SUSD1: variants seen among roughly 807,000 people sequenced by gnomAD.
The protein encoded by SUSD1 is sushi domain-containing protein 1.
In SUSD1, 65 loss-of-function variants were observed where a neutral mutation model predicts 86.9. The observed-to-expected ratio is 0.75, with a 90% CI of 0.61 to 0.92. The LOEUF (loss-of-function observed/expected upper bound fraction) is 0.92. SUSD1 is among the 40% of genes least tolerant of loss of function. The pLI, the probability that SUSD1 is intolerant of heterozygous loss-of-function variation, is 0.00. For missense variants in SUSD1, 850 were observed against 929.7 expected, an observed-to-expected ratio of 0.91 and a Z score of 1.11; for synonymous variants, 346 against 350.0, an observed-to-expected ratio of 0.99 and a Z score of 0.13.
In SUSD1 at chr9:112,104,157, G is replaced by A. The variant is rs182748138; in HGVS notation, c.1172-1872C>T. Among the ~76,000 whole-genome samples, 41 of 151,590 alleles carry A rather than the reference G, an allele frequency of 2.7e-4. No individual in the cohort carries two copies. The East Asian group carries it at 6.4e-3, about 24-fold the overall frequency. On this transcript the variant is annotated intron_variant, in intron 8 of 16. Coordinates refer to ENST00000374270, the MANE Select transcript of SUSD1 (RefSeq NM_022486.5). ...CAGCCTCCTGAGTAGCTAGGACTAC[G>A]GGCATGCACCACCAAGCCCAGCTAA... is the stretch of plus-strand genomic sequence containing the variant.
At chr9:112,089,046 A>G (rs1455940380) in intron 10 of SUSD1, among the ~76,000 whole-genome samples, 1 of 152,158 alleles carries the variant, frequency 6.6e-6, no homozygotes, top group Non-Finnish European at 1.5e-5. Flanking sequence ...AGTTGTGGCT[A>G]CAGTGAGCTA....
At chr9:112,153,273 A>C (rs571564079) in intron 2 of SUSD1, among the ~76,000 whole-genome samples, 11 of 152,126 alleles carry the variant, frequency 7.2e-5, no homozygotes, top group African/African-American at 2.7e-4. Flanking sequence ...GCTAAAAAAA[A>C]AAAAAAATTC....
At chr9:112,149,493 A>G in intron 2 of SUSD1, 94 bp from the exon 3 acceptor site, 1 of 1,420,034 alleles carries the variant, frequency 7.0e-7, no homozygotes, top group Non-Finnish European at 9.7e-7. Context: ...CTCGGGAACC[A>G]ACGTTCTGTG....
chr9:112,168,649 A>AGGTAG (rs1406775515), intron 1 of SUSD1, among the ~76,000 whole-genome samples: 2 of 152,214 alleles, frequency 1.3e-5, no homozygotes, highest in Non-Finnish European at 2.9e-5. Flanking sequence ...CAAGAGAAGA[A>AGGTAG]GGTAGTTTAA....
intron 12 of SUSD1, among the ~76,000 whole-genome samples, chr9:112,063,354 T>C (rs1232652065): frequency 6.6e-6 from 1 of 152,106 alleles, no homozygotes; most frequent in Non-Finnish European, 1.5e-5. Flanking sequence ...CTTGGGGTGA[T>C]GAAAAAATTT....
chr9:112,087,469 C>T lies in SUSD1; in HGVS notation c.1475-7304G>A, dbSNP rs1830034443. Among the ~76,000 whole-genome samples, 2 of 152,056 alleles carry T rather than the reference C, an allele frequency of 1.3e-5. 1 individual carries two copies. The highest frequency in any genetic ancestry group is 2.9e-5 in the Non-Finnish European group (2 of 68,020). ...GTGCTGGGATTACAGGTATGAGCCACTGAGCCAGGCCTAGGAAATTTAAAA... is the reference window on the plus strand; with the variant it reads ...GTGCTGGGATTACAGGTATGAGCCATTGAGCCAGGCCTAGGAAATTTAAAA... On this transcript the variant is annotated intron_variant, in intron 10 of 16. Transcript: ENST00000374270.
Position 112,085,765 on chromosome 9 carries a change from T to C in SUSD1, c.1475-5600A>G, listed in dbSNP as rs555006138. Among the ~76,000 whole-genome samples the C allele has an allele frequency of 7.2e-5, 11 of 152,290 alleles. No homozygotes were observed. The South Asian group carries it at 2.3e-3, about 32-fold the overall frequency. On this transcript the variant is annotated intron_variant, in intron 10 of 16. Transcript: ENST00000374270. ...AAGTTAGCACGTAATATATTACCGA[T>C]CAGAGTTCCAATCATCAAAGATAAT...
At chr9:112,156,333 A>G (rs1353481988) in intron 2 of SUSD1, among the ~76,000 whole-genome samples, 1 of 151,848 alleles carries the variant, frequency 6.6e-6, no homozygotes, top group East Asian at 1.9e-4. Context: ...ATGGTGGCAC[A>G]TACCTGTAAT....
intron 8 of SUSD1, among the ~76,000 whole-genome samples, chr9:112,107,254 C>CAAAAAAAAAAAAAAAAAAA (rs71382407): frequency 1.8e-4 from 12 of 66,144 alleles, no homozygotes; most frequent in Admixed American, 3.4e-4. Context: ...GACCATATCT[C>CAAAAAAAAAAAAAAAAAAA]AAAAAAAAAA....
intron 12 of SUSD1, among the ~76,000 whole-genome samples, chr9:112,066,061 C>T (rs894228024): frequency 7.9e-5 from 12 of 152,212 alleles, no homozygotes; most frequent in African/African-American, 2.9e-4. Flanking sequence ...CCGAGTCACA[C>T]CACTAGAAGA....
intron 5 of SUSD1, among the ~76,000 whole-genome samples, chr9:112,127,535 A>G (rs916065713): frequency 7.9e-5 from 12 of 152,078 alleles, no homozygotes; most frequent in African/African-American, 2.7e-4. Flanking sequence ...GATCTGCTCC[A>G]TTACTAACAA....
At chr9:112,124,495 A>G (rs1831687056) in intron 5 of SUSD1, 59 bp from the exon 6 acceptor site, 6 of 1,489,134 alleles carry the variant, frequency 4.0e-6, no homozygotes, top group Middle Eastern at 1.8e-4. Flanking sequence ...CCTACAATTC[A>G]TATCTTTAAA....
At position 112,084,337 on chromosome 9, in the gene SUSD1, C is replaced by A. The variant is rs375167843; in HGVS notation, c.1475-4172G>T. On this transcript the variant is annotated intron_variant, in intron 10 of 16. Transcript: ENST00000374270. Reference sequence around the variant, plus strand: ...CCTCAAAGAGAATGAGATGACAATACATGAATTGGTATGGAAGTATGTCTA... The same window carrying A: ...CCTCAAAGAGAATGAGATGACAATAAATGAATTGGTATGGAAGTATGTCTA... Among the ~76,000 whole-genome samples the A allele has an allele frequency of 9.2e-5, 14 of 152,154 alleles. No individual in the cohort carries two copies. The East Asian group carries it at 2.5e-3, about 27-fold the overall frequency.
intron 5 of SUSD1, among the ~76,000 whole-genome samples, chr9:112,139,400 A>G (rs973593822): frequency 1.3e-5 from 2 of 152,182 alleles, no homozygotes; most frequent in African/African-American, 4.8e-5. Context: ...AGCAATTAGT[A>G]CTGATCATTA....
rs185180885 is a variant in SUSD1, at chr9:112,148,700, G to C, written c.373+544C>G. Among the ~76,000 whole-genome samples the C allele has an allele frequency of 9.2e-4, 140 of 152,236 alleles. No individual in the cohort carries two copies. The Middle Eastern group carries it at 0.014, about 15-fold the overall frequency. ...GCGGGCAGATCACTTGAGGCCAGGA[G>C]TTTGAGACCAGCCTGGCCAATGGGG... is the stretch of plus-strand genomic sequence containing the variant. On this transcript the variant is annotated intron_variant, in intron 3 of 16. Transcript: ENST00000374270.
At chr9:112,130,795 G>C (rs1277148669) in intron 5 of SUSD1, among the ~76,000 whole-genome samples, 1 of 151,362 alleles carries the variant, frequency 6.6e-6, no homozygotes, top group Non-Finnish European at 1.5e-5. Flanking sequence ...AAGCTGAGGA[G>C]GGCAGATCAC....
intron 5 of SUSD1, among the ~76,000 whole-genome samples, chr9:112,140,508 T>C (rs1448250440): frequency 6.9e-6 from 1 of 145,538 alleles, no homozygotes; most frequent in Non-Finnish European, 1.5e-5. Flanking sequence ...AGCAAGACTC[T>C]GTCTCAAAAA....
At chr9:112,135,714 TTA>T (rs1157785840) in intron 5 of SUSD1, among the ~76,000 whole-genome samples, 1 of 152,224 alleles carries the variant, frequency 6.6e-6, no homozygotes, top group Non-Finnish European at 1.5e-5. Flanking sequence ...CAGAAAGACC[TTA>T]TGTTTTTGAT....
Position 112,142,974 on chromosome 9 carries a change from T to C in SUSD1, c.527-475A>G, listed in dbSNP as rs1312903396. On this transcript the variant is annotated intron_variant, in intron 4 of 16. Transcript: ENST00000374270. The stretch of plus-strand genomic sequence containing the variant: ...TATGAATTTTAGCTTTTTTTTTTTT[T>C]TTTTTTTTTTTTTTTTTTTTTTTTT... Among the ~76,000 whole-genome samples, 222 of 96,618 alleles carry C rather than the reference T, an allele frequency of 2.3e-3. 6 individuals are homozygous for C. Among genetic ancestry groups the C allele is most frequent in the African/African-American group, 0.011 (213 of 19,098 alleles). The allele number at this position is 96,618 out of a possible 152,430, so 63.4% of individuals were successfully genotyped here.
Sources: allele counts gnomAD v4.1 joint callset (sites outside exome capture counted in the v4.1 genomes callset), GRCh38; gene constraint gnomAD v4.1.1; transcripts MANE v1.5; gene names NCBI Gene and HGNC (gene_info 2026-07-23, HGNC 2026-07-21).